CSMD1: variants seen among roughly 807,000 people sequenced by gnomAD.
CSMD1 encodes the protein CUB and Sushi multiple domains 1.
In CSMD1, 213 loss-of-function variants were observed where a neutral mutation model predicts 417.5. The ratio of observed to expected loss-of-function variants is 0.51; its 90% confidence interval spans 0.46 to 0.57. The LOEUF is 0.57. Ranked by LOEUF, CSMD1 falls within the 20% of genes least tolerant of loss-of-function variation. CSMD1 has a pLI of 0.00. For synonymous variants in CSMD1, 2,862 were observed against 1,736.8 expected (o/e 1.65, Z -16.11); for missense variants, 6,923 against 4,529.7 (o/e 1.53, Z -15.17).
chr8:3,822,634 G>C (rs771599302), intron 5 of CSMD1, among the ~76,000 whole-genome samples: 7 of 152,080 alleles, frequency 4.6e-5, no homozygotes, highest in Non-Finnish European at 1.0e-4. Context: ...ACCTCTACTT[G>C]CTTTATTACA....
intron 68 of CSMD1, among the ~76,000 whole-genome samples, chr8:2,948,806 T>C (rs534273064): frequency 9.2e-5 from 14 of 152,228 alleles, no homozygotes; most frequent in Non-Finnish European, 1.9e-4. Context: ...TCCATCAAAA[T>C]TAAACATGAG....
chr8:3,647,501 A>G (rs1465817921), intron 7 of CSMD1, among the ~76,000 whole-genome samples: 1 of 152,234 alleles, frequency 6.6e-6, no homozygotes, highest in Non-Finnish European at 1.5e-5. Context: ...CACAGAGAGA[A>G]GTATATCAGA....
chr8:4,426,689 A>G (rs1797579147), intron 2 of CSMD1, among the ~76,000 whole-genome samples: 1 of 147,022 alleles, frequency 6.8e-6, no homozygotes, highest in South Asian at 2.1e-4. Context: ...ATATAGTAAT[A>G]TTTTTATTAT....
At chr8:3,603,292 G>T (rs1381470006) in intron 8 of CSMD1, among the ~76,000 whole-genome samples, 1 of 152,026 alleles carries the variant, frequency 6.6e-6, no homozygotes, top group Non-Finnish European at 1.5e-5. Flanking sequence ...CCTGCCTTCA[G>T]TTACAGGCAT....
At chr8:3,621,606 T>G (rs1406957170) in intron 7 of CSMD1, among the ~76,000 whole-genome samples, 2 of 152,100 alleles carry the variant, frequency 1.3e-5, no homozygotes, top group African/African-American at 2.4e-5. Context: ...TTTTTTTCTT[T>G]TTTTGAGACA....
intron 5 of CSMD1, among the ~76,000 whole-genome samples, chr8:3,806,243 G>T (rs887205278): frequency 6.6e-6 from 1 of 152,112 alleles, no homozygotes; most frequent in Non-Finnish European, 1.5e-5. Flanking sequence ...AGTACATGCA[G>T]GTTGTTTTCA....
chr8:4,652,230 G>A (rs1181031058), intron 1 of CSMD1, among the ~76,000 whole-genome samples: 1 of 152,152 alleles, frequency 6.6e-6, no homozygotes, highest in Non-Finnish European at 1.5e-5. Context: ...TCAAAGGATG[G>A]GATTGGGGAA....
chr8:3,566,834 T>C (rs74811154), intron 10 of CSMD1, among the ~76,000 whole-genome samples: 3 of 152,250 alleles, frequency 2.0e-5, no homozygotes, highest in Admixed American at 2.0e-4. Flanking sequence ...TTGGTGAGAG[T>C]GTAAACTAGG....
chr8:3,180,757 G>A (rs1055511456), intron 37 of CSMD1, among the ~76,000 whole-genome samples: 2 of 152,058 alleles, frequency 1.3e-5, no homozygotes, highest in Admixed American at 6.6e-5. Context: ...AGCCTCTTAG[G>A]TAGCTGAGAT....
At chr8:4,576,103 C>T (rs548809507) in intron 2 of CSMD1, among the ~76,000 whole-genome samples, 1 of 152,212 alleles carries the variant, frequency 6.6e-6, no homozygotes, top group Non-Finnish European at 1.5e-5. Context: ...ACCATTCAAC[C>T]TCCTCTTTAT....
At chr8:3,715,096 T>C (rs1267905381) in intron 6 of CSMD1, among the ~76,000 whole-genome samples, 3 of 152,240 alleles carry the variant, frequency 2.0e-5, no homozygotes, top group Non-Finnish European at 1.5e-5. Context: ...ATTAGATTTT[T>C]TTGTGTTTTA....
intron 10 of CSMD1, among the ~76,000 whole-genome samples, chr8:3,513,821 T>C (rs1242707201): frequency 6.6e-6 from 1 of 152,108 alleles, no homozygotes; most frequent in Non-Finnish European, 1.5e-5. Flanking sequence ...GAGTACAGAA[T>C]AAGAAAACTG....
intron 3 of CSMD1, among the ~76,000 whole-genome samples, chr8:4,203,062 G>C (rs932642629): frequency 6.6e-6 from 1 of 152,200 alleles, no homozygotes; most frequent in Non-Finnish European, 1.5e-5. Flanking sequence ...TGAGAGTTAA[G>C]GATTTTGAGC....
intron 9 of CSMD1, among the ~76,000 whole-genome samples, chr8:3,580,126 A>T (rs889620196): frequency 6.6e-6 from 1 of 152,102 alleles, no homozygotes; most frequent in African/African-American, 2.4e-5. Context: ...AAATAAAAAG[A>T]AAGAAAAAAA....
At position 3,911,574 on chromosome 8, in the gene CSMD1, T is replaced by C. The variant is rs558747742; in HGVS notation, c.818+86329A>G. On this transcript the variant is annotated intron_variant, in intron 5 of 69. Coordinates refer to ENST00000635120, the MANE Select transcript of CSMD1 (RefSeq NM_033225.6). ...GAAGAAGAAGAAAACGAAGGCTATATAACACCAGCTGGTCTTTATATTTCC... is the reference window on the plus strand; with the variant it reads ...GAAGAAGAAGAAAACGAAGGCTATACAACACCAGCTGGTCTTTATATTTCC... Among the ~76,000 whole-genome samples the C allele has an allele frequency of 6.6e-5, 10 of 151,544 alleles. No homozygotes were observed. The East Asian group carries it at 1.9e-3, about 29-fold the overall frequency.
intron 5 of CSMD1, among the ~76,000 whole-genome samples, chr8:3,931,773 C>T (rs951015994): frequency 2.7e-5 from 4 of 148,368 alleles, no homozygotes; most frequent in African/African-American, 7.5e-5. Flanking sequence ...CAAGGAGCAC[C>T]TAAGACCCCA....
At chr8:4,728,831 C>A (rs958234927) in intron 1 of CSMD1, among the ~76,000 whole-genome samples, 8 of 151,534 alleles carry the variant, frequency 5.3e-5, no homozygotes, top group Non-Finnish European at 1.0e-4. Flanking sequence ...CACCTCGAAA[C>A]AAAAAGCTGG....
intron 5 of CSMD1, among the ~76,000 whole-genome samples, chr8:3,891,533 A>G (rs1272297470): frequency 6.6e-6 from 1 of 152,066 alleles, no homozygotes; most frequent in Admixed American, 6.6e-5. Context: ...ACACACAAAA[A>G]AAAGCCAATA....
chr8:4,756,949 C>A (rs1811704485), intron 1 of CSMD1, among the ~76,000 whole-genome samples: 1 of 152,190 alleles, frequency 6.6e-6, no homozygotes, highest in African/African-American at 2.4e-5. Flanking sequence ...TTAAAAGAAA[C>A]CTGTTCAAAC....
Sources: allele counts gnomAD v4.1 joint callset (sites outside exome capture counted in the v4.1 genomes callset), GRCh38; gene constraint gnomAD v4.1.1; transcripts MANE v1.5; gene names NCBI Gene and HGNC (gene_info 2026-07-23, HGNC 2026-07-21).